NFAT5: variants seen among roughly 807,000 people sequenced by gnomAD.
NFAT5 encodes the protein nuclear factor of activated T cells 5.
NFAT5 carries 31 observed loss-of-function variants against 166.5 expected under a neutral mutation model. The ratio of observed to expected loss-of-function variants is 0.19; its 90% CI spans 0.14 to 0.25. The LOEUF is 0.25. NFAT5 is among the 10% of genes least tolerant of loss of function. NFAT5 has a pLI of 1.00. For missense variants in NFAT5, 1,449 were observed against 1,821.8 expected (o/e 0.80, Z 3.72); for synonymous variants, 612 against 639.7 (o/e 0.96, Z 0.65).
intron 3 of NFAT5, among the ~76,000 whole-genome samples, chr16:69,643,877 C>T (rs1324907247): frequency 1.3e-5 from 2 of 152,132 alleles, no homozygotes; most frequent in African/African-American, 4.8e-5. Flanking sequence ...ATTTTACTAC[C>T]TCACATGGCA....
chr16:69,669,464 G>T (rs1597510042), intron 7 of NFAT5, among the ~76,000 whole-genome samples: 1 of 152,064 alleles, frequency 6.6e-6, no homozygotes, highest in Non-Finnish European at 1.5e-5. Context: ...AGAATCACTT[G>T]AGCCCAGGAG....
In NFAT5 at chr16:69,690,946, A is replaced by C. The variant is rs1456492867; in HGVS notation, c.1781A>C (p.Lys594Thr). ...CSFEEAMKAMKTTGCNLDKVN... is the reference protein window; with the variant it reads ...CSFEEAMKAMTTTGCNLDKVN... ...TGTGTGTGTGTATATGCAGCAATGA[A>C]AACTACTGGATGTAATTTAGATAAG... Residue 594 changes from lysine to threonine, a missense_variant, in exon 12 of 15, where the codon AAA becomes ACA. Physicochemically the swap from Lys to Thr is moderately conservative, Grantham distance 78 (BLOSUM62 -1). This residue lies in a region of NFAT5 where 245 missense variants were observed against 366.6 expected (regional missense o/e 0.67). Transcript: ENST00000349945. The C allele has an allele frequency of 1.0e-5, 16 of 1,537,394 alleles. No individual in the cohort carries two copies. Among genetic ancestry groups the C allele is most frequent in the African/African-American group, 1.4e-5 (1 of 71,976 alleles).
chr16:69,649,110 A>G (rs1472764186), intron 4 of NFAT5: 15 of 857,622 alleles, frequency 1.7e-5, no homozygotes, highest in Non-Finnish European at 2.1e-5. Context: ...ATTTCAGAAC[A>G]TAATATTTGT....
At chr16:69,603,239 T>C (rs1004006662) in intron 2 of NFAT5, among the ~76,000 whole-genome samples, 6 of 152,210 alleles carry the variant, frequency 3.9e-5, no homozygotes, top group Non-Finnish European at 8.8e-5. Flanking sequence ...ATCACCTTTA[T>C]ATCTCCCTTA....
intron 2 of NFAT5, among the ~76,000 whole-genome samples, chr16:69,619,558 G>A (rs968382442): frequency 2.0e-5 from 3 of 152,070 alleles, no homozygotes; most frequent in Non-Finnish European, 4.4e-5. Flanking sequence ...ATTGTTTTGA[G>A]GTTAAATGAG....
intron 10 of NFAT5, among the ~76,000 whole-genome samples, chr16:69,680,509 T>C (rs2151693168): frequency 6.6e-6 from 1 of 152,334 alleles, no homozygotes; most frequent in Non-Finnish European, 1.5e-5. Context: ...CTTTTAAGTA[T>C]TCTACTTCAA....
At chr16:69,630,768 G>A (rs2034678324) in intron 3 of NFAT5, among the ~76,000 whole-genome samples, 1 of 152,096 alleles carries the variant, frequency 6.6e-6, no homozygotes, top group Admixed American at 6.5e-5. Flanking sequence ...TAAAACATAG[G>A]TATTAGGAGA....
intron 9 of NFAT5, among the ~76,000 whole-genome samples, chr16:69,672,630 G>A (rs1181637223): frequency 6.6e-6 from 1 of 152,126 alleles, no homozygotes; most frequent in Non-Finnish European, 1.5e-5. Flanking sequence ...AAAAAAATGG[G>A]TGACTGTGTG....
intron 10 of NFAT5, 101 bp downstream of exon 10, chr16:69,677,436 C>T: frequency 1.0e-6 from 1 of 959,248 alleles, no homozygotes; most frequent in South Asian, 2.0e-5. Context: ...AAGTTGCTCA[C>T]TAAGATGAAT....
intron 7 of NFAT5, among the ~76,000 whole-genome samples, chr16:69,668,640 TGTTGGGCATCACC>T (rs1181088429): frequency 6.6e-6 from 1 of 152,164 alleles, no homozygotes; most frequent in African/African-American, 2.4e-5. Flanking sequence ...GTAAATAACC[TGTTGGGCATCACC>T]ATCATTCCTG....
chr16:69,634,295 A>AC (rs2034855625), intron 3 of NFAT5, among the ~76,000 whole-genome samples: 1 of 151,902 alleles, frequency 6.6e-6, no homozygotes, highest in Admixed American at 6.6e-5. Flanking sequence ...AAAAAAAAAA[A>AC]AAAATCATAC....
At chr16:69,569,940 T>C (rs1380289936) in intron 2 of NFAT5, among the ~76,000 whole-genome samples, 1 of 152,186 alleles carries the variant, frequency 6.6e-6, no homozygotes, top group Non-Finnish European at 1.5e-5. Flanking sequence ...ATATTCAATT[T>C]GTGACCATGT....
intron 10 of NFAT5, among the ~76,000 whole-genome samples, chr16:69,683,197 G>A (rs2037143333): frequency 1.3e-5 from 2 of 151,674 alleles, no homozygotes; most frequent in Non-Finnish European, 2.9e-5. Flanking sequence ...GGCAACAAGA[G>A]CGAAACTCCG....
chr16:69,684,386 T>G (rs1399698617), intron 10 of NFAT5, among the ~76,000 whole-genome samples: 1 of 149,960 alleles, frequency 6.7e-6, no homozygotes, highest in Admixed American at 6.7e-5. Flanking sequence ...TGGTGAAACC[T>G]TGTCTCTACT....
intron 2 of NFAT5, among the ~76,000 whole-genome samples, chr16:69,605,278 A>G (rs968768248): frequency 6.6e-5 from 10 of 152,120 alleles, no homozygotes; most frequent in African/African-American, 2.4e-4. Context: ...CATCTCTACT[A>G]AAAATACAAA....
intron 2 of NFAT5, among the ~76,000 whole-genome samples, chr16:69,604,214 A>G (rs964622785): frequency 2.0e-5 from 3 of 152,002 alleles, no homozygotes; most frequent in African/African-American, 7.3e-5. Flanking sequence ...GCACACACAC[A>G]CTCCGTACTT....
chr16:69,679,083 G>A (rs904262656), intron 10 of NFAT5, among the ~76,000 whole-genome samples: 9 of 151,976 alleles, frequency 5.9e-5, no homozygotes, highest in Admixed American at 4.6e-4. Context: ...CTACAGGCAT[G>A]CACCACCATA....
At position 69,693,825 on chromosome 16, in the gene NFAT5, G is replaced by A. The variant is rs747841221; in HGVS notation, c.4000G>A (p.Ala1334Thr). 6.2e-7 allele frequency: 1 copy of A among 1,614,106 alleles called. No homozygotes were observed. Among genetic ancestry groups the A allele is most frequent in the South Asian group, 1.1e-5 (1 of 91,086 alleles). The change falls in exon 13 of 15, where the codon GCC (alanine) becomes ACC (threonine). Residue 1334 changes from alanine (A) to threonine (T), a missense_variant. Physicochemically the swap from Ala to Thr is moderately conservative, Grantham distance 58. Coordinates refer to ENST00000349945, the MANE Select transcript of NFAT5 (RefSeq NM_138713.4). ...QSIFHQQSNMAPMNQEQQPMQ... is the reference protein window; with the variant it reads ...QSIFHQQSNMTPMNQEQQPMQ... The stretch of plus-strand genomic sequence containing the variant: ...AATTTTTCACCAACAAAGTAACATG[G>A]CCCCAATGAATCAAGAGCAACAGCC...
intron 11 of NFAT5, among the ~76,000 whole-genome samples, chr16:69,688,971 C>T (rs938214910): frequency 6.6e-6 from 1 of 152,142 alleles, no homozygotes; most frequent in African/African-American, 2.4e-5. Context: ...GAAGTTTTGT[C>T]TCAGTCAAAA....
Sources: gnomAD v4.1 joint callset for allele counts (sites outside exome capture counted in the v4.1 genomes callset) on GRCh38, gnomAD v4.1.1 for gene constraint, gnomAD v4.1.1 regional missense constraint, MANE v1.5 for transcripts, NCBI Gene and HGNC (gene_info 2026-07-23, HGNC 2026-07-21) for gene names.